Variants in UST observed in about 807,000 individuals in gnomAD.
UST encodes the protein uronyl 2-sulfotransferase.
A neutral mutation model predicts 45.6 loss-of-function variants in UST; 21 were observed. The observed-to-expected ratio is 0.46, with a 90% CI of 0.33 to 0.66. UST has a LOEUF of 0.66. Among genes scored for constraint, UST ranks in the 30% least tolerant of loss-of-function variants. The probability of loss-of-function intolerance (pLI) is 0.02; values close to 1 mark genes in which losing one functional copy is unlikely to be tolerated. For missense variants in UST, 463 were observed against 512.4 expected (o/e 0.90, Z 0.93); for synonymous variants, 215 against 200.6 (o/e 1.07, Z -0.61).
chr6:148,961,162 T>C lies in UST; in HGVS notation c.528-3248T>C, dbSNP rs113447986. On this transcript the variant is annotated intron_variant, in intron 4 of 7. Coordinates refer to ENST00000367463, the MANE Select transcript of UST (RefSeq NM_005715.3). ...TAAAAAATACGACACAGTGGCAGAG[T>C]CCAAAGGAAGCCCAGAGGAGTGCTT... Among the ~76,000 whole-genome samples, 871 of 152,110 alleles carry C rather than the reference T, an allele frequency of 5.7e-3. 9 individuals are homozygous for C. The highest frequency in any genetic ancestry group is 0.02 in the African/African-American group (845 of 41,490).
At chr6:148,780,628 T>C (rs1416938440) in intron 1 of UST, among the ~76,000 whole-genome samples, 1 of 152,244 alleles carries the variant, frequency 6.6e-6, no homozygotes, top group Non-Finnish European at 1.5e-5. Context: ...CATTCTTTTT[T>C]ACAGCTGCAT....
intron 2 of UST, among the ~76,000 whole-genome samples, chr6:148,892,460 T>C (rs1482555740): frequency 6.6e-6 from 1 of 152,232 alleles, no homozygotes; most frequent in Admixed American, 6.5e-5. Context: ...ATAAGAAAGA[T>C]GGAGGGTGAT....
intron 7 of UST, among the ~76,000 whole-genome samples, chr6:149,057,807 G>T (rs1776589403): frequency 6.6e-6 from 1 of 152,154 alleles, no homozygotes; most frequent in African/African-American, 2.4e-5. Context: ...GTTTTACAAT[G>T]AATAGGCATA....
chr6:148,747,117 G>T lies in UST; in HGVS notation c.-314G>T, dbSNP rs1582783580. ...GCTGGCGCTGGAGGCGAGCCCCGGC[G>T]GCCGCAAGCGAGCCCGAGGCGCGGC... On this transcript the variant is annotated 5_prime_UTR_variant, in exon 1 of 8. Transcript: ENST00000367463. Among the ~76,000 whole-genome samples the T allele has an allele frequency of 2.0e-5, 3 of 150,644 alleles. No homozygotes were observed. The highest frequency in any genetic ancestry group is 3.9e-4 in the East Asian group (2 of 5,140).
At chr6:149,017,034 C>G (rs1223886320) in intron 5 of UST, among the ~76,000 whole-genome samples, 3 of 152,238 alleles carry the variant, frequency 2.0e-5, no homozygotes, top group Admixed American at 2.0e-4. Flanking sequence ...CCCGCACAAG[C>G]TTTGGTTTGT....
intron 7 of UST, among the ~76,000 whole-genome samples, chr6:149,022,515 G>A (rs1408043323): frequency 1.3e-5 from 2 of 152,104 alleles, no homozygotes; most frequent in Non-Finnish European, 2.9e-5. Context: ...CAGGAGAATC[G>A]CTTGAACCTG....
chr6:148,883,000 T>C (rs1778851727), intron 1 of UST, among the ~76,000 whole-genome samples: 1 of 152,244 alleles, frequency 6.6e-6, no homozygotes, highest in Admixed American at 6.5e-5. Context: ...CCCACATCTC[T>C]TCTTACCATG....
At chr6:148,981,437 A>G (rs1234559907) in intron 5 of UST, among the ~76,000 whole-genome samples, 1 of 152,182 alleles carries the variant, frequency 6.6e-6, no homozygotes, top group African/African-American at 2.4e-5. Flanking sequence ...ACTGTCATTG[A>G]TTCCTTAGTC....
intron 7 of UST, among the ~76,000 whole-genome samples, chr6:149,057,164 G>A (rs997346991): frequency 1.3e-5 from 2 of 152,196 alleles, no homozygotes; most frequent in Admixed American, 1.3e-4. Context: ...CCCTATCTGA[G>A]TACCCAGTTC....
chr6:148,946,510 C>CAAAA (rs71007930), intron 3 of UST, among the ~76,000 whole-genome samples: 11 of 33,932 alleles, frequency 3.2e-4, no homozygotes, highest in African/African-American at 4.5e-4. Flanking sequence ...GACTCCATCT[C>CAAAA]AAAAAAAAAA....
chr6:148,849,068 T>C (rs889041138), intron 1 of UST, among the ~76,000 whole-genome samples: 1 of 152,194 alleles, frequency 6.6e-6, no homozygotes, highest in Non-Finnish European at 1.5e-5. Context: ...CCCTTCCTCC[T>C]CCTTTTTGTT....
chr6:148,899,771 C>T (rs574913622), intron 2 of UST, among the ~76,000 whole-genome samples: 1 of 152,346 alleles, frequency 6.6e-6, no homozygotes, highest in South Asian at 2.1e-4. Context: ...TTATCTGGTT[C>T]TTTAGTATTA....
At chr6:148,794,790 T>C (rs6903326) in intron 1 of UST, among the ~76,000 whole-genome samples, 16,079 of 152,258 alleles carry the variant, frequency 0.11, 1,542 homozygotes, top group East Asian at 0.57. Flanking sequence ...TTGAGGCCCT[T>C]AAATACATGG....
At chr6:149,014,140 C>G (rs932833278) in intron 5 of UST, among the ~76,000 whole-genome samples, 1 of 152,202 alleles carries the variant, frequency 6.6e-6, no homozygotes, top group African/African-American at 2.4e-5. Flanking sequence ...TGTGAAAATT[C>G]GCTGACAGGG....
At chr6:148,918,570 T>C (rs1779635213) in intron 2 of UST, among the ~76,000 whole-genome samples, 1 of 152,212 alleles carries the variant, frequency 6.6e-6, no homozygotes. Context: ...AATACTCTCT[T>C]TTTTATTATT....
intron 1 of UST, among the ~76,000 whole-genome samples, chr6:148,874,024 G>A (rs1294260482): frequency 1.3e-5 from 2 of 152,230 alleles, no homozygotes; most frequent in African/African-American, 2.4e-5. Context: ...CCCGGCTGCT[G>A]GTTAGAGGCT....
chr6:148,971,871 T>C (rs887233235), intron 5 of UST, among the ~76,000 whole-genome samples: 10 of 152,208 alleles, frequency 6.6e-5, no homozygotes, highest in Non-Finnish European at 1.5e-4. Flanking sequence ...GGCTACAACA[T>C]ACAGAGTACA....
At chr6:149,073,656 C>T (rs1776848561) in intron 7 of UST, among the ~76,000 whole-genome samples, 177 bp from the exon 8 acceptor site, 1 of 152,206 alleles carries the variant, frequency 6.6e-6, no homozygotes, top group Non-Finnish European at 1.5e-5. Context: ...ACATTAACAC[C>T]TAGAGTTGGT....
intron 1 of UST, among the ~76,000 whole-genome samples, chr6:148,783,639 G>A (rs964565022): frequency 6.6e-6 from 1 of 152,212 alleles, no homozygotes; most frequent in African/African-American, 2.4e-5. Context: ...AGAGCTTCTT[G>A]TGGTTTTAGA....
Sources: allele counts gnomAD v4.1 joint callset (sites outside exome capture counted in the v4.1 genomes callset), GRCh38; gene constraint gnomAD v4.1.1; transcripts MANE v1.5; gene names NCBI Gene and HGNC (gene_info 2026-07-23, HGNC 2026-07-21).